Variants in THSD4 observed in about 807,000 individuals in gnomAD.
THSD4 encodes thrombospondin type-1 domain-containing protein 4.
A neutral mutation model predicts 119.0 loss-of-function variants in THSD4; 69 were observed. The ratio of observed to expected loss-of-function variants is 0.58; its 90% confidence interval spans 0.48 to 0.71. The LOEUF (loss-of-function observed/expected upper bound fraction) is 0.71, where lower values mean the gene tolerates loss of function less well. Among genes scored for constraint, THSD4 ranks in the 30% least tolerant of loss-of-function variants. The probability of loss-of-function intolerance (pLI) is 0.00; values close to 1 mark genes in which losing one functional copy is unlikely to be tolerated. For missense variants in THSD4, 1,393 were observed against 1,391.1 expected (o/e 1.00, Z -0.02); for synonymous variants, 524 against 540.4 (o/e 0.97, Z 0.42).
At chr15:71,656,986 C>T (rs1428846865) in intron 7 of THSD4, among the ~76,000 whole-genome samples, 2 of 152,214 alleles carry the variant, frequency 1.3e-5, no homozygotes, top group Non-Finnish European at 2.9e-5. Context: ...CAAATCCCTT[C>T]ACGCCATCCC....
intron 4 of THSD4, among the ~76,000 whole-genome samples, chr15:71,240,673 G>C (rs556263214): frequency 1.3e-5 from 2 of 152,130 alleles, no homozygotes; most frequent in Admixed American, 1.3e-4. Context: ...TAGACTTTCA[G>C]ATCTTAAAAA....
intron 8 of THSD4, among the ~76,000 whole-genome samples, chr15:71,708,972 C>T (rs1465738178): frequency 6.6e-6 from 1 of 152,202 alleles, no homozygotes; most frequent in Admixed American, 6.5e-5. Context: ...CGAGGTTTCC[C>T]TGCTGTGAGG....
intron 6 of THSD4, among the ~76,000 whole-genome samples, chr15:71,272,979 G>A (rs2044550110): frequency 6.6e-6 from 1 of 152,190 alleles, no homozygotes; most frequent in Non-Finnish European, 1.5e-5. Context: ...TTGGAAAACA[G>A]TATGGAAGTT....
chr15:71,453,093 G>T (rs1337685572), intron 7 of THSD4, among the ~76,000 whole-genome samples: 1 of 152,212 alleles, frequency 6.6e-6, no homozygotes, highest in Non-Finnish European at 1.5e-5. Flanking sequence ...AGAGCCTCAC[G>T]AGAGCCCAAC....
At chr15:71,228,031 A>G (rs552418550) in intron 4 of THSD4, among the ~76,000 whole-genome samples, 28 of 151,904 alleles carry the variant, frequency 1.8e-4, no homozygotes, top group Non-Finnish European at 3.7e-4. Context: ...GCCCTCTCCC[A>G]CTCAGTCCTC....
intron 6 of THSD4, among the ~76,000 whole-genome samples, chr15:71,283,836 T>G (rs1336924029): frequency 1.3e-5 from 2 of 152,100 alleles, no homozygotes; most frequent in African/African-American, 4.8e-5. Context: ...ATTGCTGGGT[T>G]TGGGGGCAAG....
chr15:71,737,778 G>C lies in THSD4; in HGVS notation c.1677G>C (p.Glu559Asp). The change falls in exon 11 of 18, where the codon GAG becomes GAC. Residue 559 changes from glutamate (E) to aspartate (D), a missense_variant. By Grantham distance (45) the Glu-to-Asp change is conservative. Transcript: ENST00000261862. ...GQMVTEGRSQ[E>D]EGEQKGRNEE... ...TGGTGACAGAAGGCAGGAGCCAGGA[G>C]GAGGGAGAACAGAAAGGGAGGAACG... 1 of 1,614,074 alleles carries C rather than the reference G, an allele frequency of 6.2e-7. No homozygotes were observed. The highest frequency in any genetic ancestry group is 8.5e-7 in the Non-Finnish European group (1 of 1,179,924).
chr15:71,288,554 G>A (rs972030148), intron 6 of THSD4, among the ~76,000 whole-genome samples: 2 of 152,088 alleles, frequency 1.3e-5, no homozygotes, highest in African/African-American at 4.8e-5. Flanking sequence ...TCTCCTGCTG[G>A]TCAAATCCAG....
intron 7 of THSD4, among the ~76,000 whole-genome samples, chr15:71,479,739 CTG>C (rs1373424460): frequency 1.3e-5 from 2 of 151,582 alleles, no homozygotes; most frequent in African/African-American, 2.4e-5. Context: ...TGAAAAAAAA[CTG>C]TGTTTCCTGT....
intron 6 of THSD4, among the ~76,000 whole-genome samples, chr15:71,338,435 G>T (rs1053160333): frequency 6.6e-6 from 1 of 152,104 alleles, no homozygotes; most frequent in Non-Finnish European, 1.5e-5. Context: ...ATACTCGCGC[G>T]TGGATCCTAG....
rs144089955 is a variant in THSD4, at chr15:71,434,725, C to T, written c.1152+22902C>T. On this transcript the variant is annotated intron_variant, in intron 7 of 17. Coordinates refer to ENST00000261862, the MANE Select transcript of THSD4 (RefSeq NM_024817.3). ...AGAACGGAGAAGCTTAAAAAAAGTG[C>T]AGTCTGAATGTCAGCTTTTAATGAA... Among the ~76,000 whole-genome samples, 13 of 152,220 alleles carry T rather than the reference C, an allele frequency of 8.5e-5. No homozygotes were observed. In the East Asian group the frequency reaches 2.5e-3, roughly 29 times the overall value.
chr15:71,587,128 T>G (rs1482694079), intron 7 of THSD4, among the ~76,000 whole-genome samples: 1 of 146,240 alleles, frequency 6.8e-6, no homozygotes, highest in Non-Finnish European at 1.5e-5. Flanking sequence ...AAACAACAGG[T>G]GCTGGAGAGG....
At chr15:71,645,128 G>A (rs1317262208) in intron 7 of THSD4, among the ~76,000 whole-genome samples, 1 of 152,138 alleles carries the variant, frequency 6.6e-6, no homozygotes, top group African/African-American at 2.4e-5. Context: ...TCAAAATGGG[G>A]AGCCCCAGGG....
intron 7 of THSD4, among the ~76,000 whole-genome samples, chr15:71,552,520 T>G (rs192322648): frequency 1.3e-4 from 20 of 152,380 alleles, no homozygotes; most frequent in African/African-American, 2.4e-4. Flanking sequence ...GGCTTTGCCT[T>G]TCTTTTTCTA....
At position 71,720,119 on chromosome 15, in the gene THSD4, C is replaced by T. The variant is rs187191029; in HGVS notation, c.1358-8430C>T. Among the ~76,000 whole-genome samples, 7 of 134,822 alleles carry T rather than the reference C, an allele frequency of 5.2e-5. No homozygotes were observed. The South Asian group carries it at 7.5e-4, about 14-fold the overall frequency. The allele number at this position is 134,822 out of a possible 152,430, so 88.4% of individuals were successfully genotyped here. ...AGGCTGGAGCGCAGTGGTACAATTA[C>T]GGCTCACTGCAGCTTTAACCTCCTG... On this transcript the variant is annotated intron_variant, in intron 8 of 17. Transcript: ENST00000261862.
chr15:71,393,394 C>CTTT (rs2046402772), intron 6 of THSD4, among the ~76,000 whole-genome samples: 3 of 152,038 alleles, frequency 2.0e-5, no homozygotes, highest in Non-Finnish European at 4.4e-5. Context: ...GATCACTTTC[C>CTTT]ATACTTGCCA....
chr15:71,390,877 A>G (rs1596393592), intron 6 of THSD4, among the ~76,000 whole-genome samples: 1 of 21,666 alleles, frequency 4.6e-5, no homozygotes. Context: ...TTTTTTTTGT[A>G]CAGAGAGGGC....
chr15:71,320,795 C>T (rs1014824689), intron 6 of THSD4, among the ~76,000 whole-genome samples: 23 of 152,178 alleles, frequency 1.5e-4, no homozygotes, highest in African/African-American at 5.3e-4. Context: ...TCTCTTTCAA[C>T]TCCAGACATC....
chr15:71,533,238 A>T (rs1302219150), intron 7 of THSD4, among the ~76,000 whole-genome samples: 1 of 152,224 alleles, frequency 6.6e-6, no homozygotes, highest in East Asian at 1.9e-4. Context: ...TGTGGTGGGA[A>T]CACTAGGAAA....
Sources: allele counts gnomAD v4.1 joint callset (sites outside exome capture counted in the v4.1 genomes callset), GRCh38; gene constraint gnomAD v4.1.1; transcripts MANE v1.5; gene names NCBI Gene and HGNC (gene_info 2026-07-23, HGNC 2026-07-21).